The following TBC1D1 variants were observed in gnomAD, a reference collection of about 807,000 sequenced individuals.
The protein encoded by TBC1D1 is TBC1 domain family member 1, also known as TBC1 (tre-2/USP6, BUB2, cdc16) domain family, member 1.
A neutral mutation model predicts 125.6 loss-of-function variants in TBC1D1; 89 were observed. The ratio of observed to expected loss-of-function variants is 0.71; its 90% CI spans 0.60 to 0.85. The LOEUF (loss-of-function observed/expected upper bound fraction) is 0.85. TBC1D1 is among the 40% of genes least tolerant of loss of function. TBC1D1 has a pLI of 0.00. For missense variants in TBC1D1, 1,377 were observed against 1,469.2 expected (o/e 0.94, Z 1.03); for synonymous variants, 565 against 564.1 (o/e 1.00, Z -0.02).
At chr4:38,074,794 C>G (rs992557077) in intron 12 of TBC1D1, among the ~76,000 whole-genome samples, 1 of 149,296 alleles carries the variant, frequency 6.7e-6, no homozygotes, top group Non-Finnish European at 1.5e-5. Flanking sequence ...CAAATTCTTG[C>G]TCTGTCACCC....
At chr4:38,091,717 T>G (rs1044923783) in intron 13 of TBC1D1, among the ~76,000 whole-genome samples, 3 of 152,186 alleles carry the variant, frequency 2.0e-5, no homozygotes, top group African/African-American at 7.2e-5. Context: ...GCAAAACCAG[T>G]GTGCCACAAA....
At chr4:38,103,530 C>T (rs111311877) in intron 15 of TBC1D1, among the ~76,000 whole-genome samples, 2,738 of 152,272 alleles carry the variant, frequency 0.018, 90 homozygotes, top group African/African-American at 0.062. Flanking sequence ...ATTACAGGAG[C>T]CACTCCCTCA....
At chr4:37,949,994 C>A (rs539804975) in intron 2 of TBC1D1, among the ~76,000 whole-genome samples, 1 of 152,084 alleles carries the variant, frequency 6.6e-6, no homozygotes, top group East Asian at 1.9e-4. Context: ...TTTTTACTGG[C>A]CTTTCTTTCT....
At chr4:37,931,601 C>T (rs1457635766) in intron 2 of TBC1D1, among the ~76,000 whole-genome samples, 1 of 151,922 alleles carries the variant, frequency 6.6e-6, no homozygotes, top group Non-Finnish European at 1.5e-5. Flanking sequence ...CCTCAGCCTC[C>T]TGAGTAGCTG....
intron 14 of TBC1D1, among the ~76,000 whole-genome samples, chr4:38,101,876 G>A (rs1479227335): frequency 3.9e-5 from 6 of 151,914 alleles, no homozygotes; most frequent in East Asian, 1.9e-4. Flanking sequence ...AATCACTCTC[G>A]GTTCCCTCTC....
At chr4:37,923,221 C>A (rs1721392071) in intron 2 of TBC1D1, among the ~76,000 whole-genome samples, 1 of 152,054 alleles carries the variant, frequency 6.6e-6, no homozygotes, top group African/African-American at 2.4e-5. Context: ...TTTTCTGTTC[C>A]TGTGTAGTTT....
chr4:37,908,887 A>T (rs1481134196), intron 2 of TBC1D1, among the ~76,000 whole-genome samples: 1 of 152,174 alleles, frequency 6.6e-6, no homozygotes, highest in African/African-American at 2.4e-5. Flanking sequence ...GTAGAAATCG[A>T]CTTTATTAAA....
rs79598084 is a variant in TBC1D1 at position 38,093,133 on chromosome 4, T to C, written c.2237-2796T>C. Among the ~76,000 whole-genome samples, 3 of 152,276 alleles carry C rather than the reference T, an allele frequency of 2.0e-5. No individual in the cohort carries two copies. In the East Asian group the frequency reaches 5.8e-4, roughly 29 times the overall value. ...TGTACTTAGAGAGATAGGCATTCTA[T>C]CTTGAGTTCCTTTTTTTTCTCCCTT... On this transcript the variant is annotated intron_variant, in intron 13 of 19. Transcript: ENST00000261439.
At chr4:38,095,835 G>C in intron 13 of TBC1D1, 94 bp from the exon 16 acceptor site, 2 of 1,317,818 alleles carry the variant, frequency 1.5e-6, no homozygotes, top group Non-Finnish European at 1.0e-6. Context: ...ACTGCTTGAC[G>C]TCTCAGCGGG....
chr4:38,097,575 C>G (rs896200707), intron 14 of TBC1D1, among the ~76,000 whole-genome samples: 6 of 152,140 alleles, frequency 3.9e-5, no homozygotes, highest in African/African-American at 1.4e-4. Flanking sequence ...ATCTCCTGAC[C>G]TCATGATCCA....
chr4:38,084,181 G>A (rs1054035520), intron 12 of TBC1D1, among the ~76,000 whole-genome samples: 5 of 152,082 alleles, frequency 3.3e-5, no homozygotes, highest in Admixed American at 6.5e-5. Context: ...TGATCTGCCC[G>A]CCTCGGCCTC....
Position 38,104,910 on chromosome 4 carries a change from C to T in TBC1D1, c.2557+1753C>T, listed in dbSNP as rs578187051. ...AGCTGGGACTACAGGTGCCCGCCAC[C>T]ATGCCTAGCTAATTTTTTGTATTTT... On this transcript the variant is annotated intron_variant, in intron 15 of 19. Transcript: ENST00000261439. 9.7e-4 allele frequency among the ~76,000 whole-genome samples: 148 copies of T among 152,178 alleles called. 4 individuals are homozygous for T. The East Asian group carries it at 0.026, about 27-fold the overall frequency.
chr4:38,005,861 T>C (rs1348727682), intron 2 of TBC1D1, among the ~76,000 whole-genome samples: 2 of 152,126 alleles, frequency 1.3e-5, no homozygotes, highest in African/African-American at 4.8e-5. Flanking sequence ...GGGACTGACA[T>C]GGAGAAGACA....
intron 2 of TBC1D1, among the ~76,000 whole-genome samples, chr4:37,940,132 A>G (rs1560505263): frequency 1.3e-5 from 2 of 152,250 alleles, no homozygotes; most frequent in African/African-American, 2.4e-5. Flanking sequence ...CATTTTCACA[A>G]TATTGATTCT....
intron 2 of TBC1D1, among the ~76,000 whole-genome samples, chr4:37,925,892 A>G (rs1722007684): frequency 6.6e-6 from 1 of 152,218 alleles, no homozygotes; most frequent in Non-Finnish European, 1.5e-5. Flanking sequence ...CAATTTACTC[A>G]ATAAAACAAA....
At position 38,054,330 on chromosome 4, in the gene TBC1D1, G is replaced by C; in HGVS notation, c.2042G>C (p.Arg681Thr). Residue 681 changes from arginine to threonine, a missense_variant, in exon 12 of 20, where the codon AGA (arginine) becomes ACA (threonine). By Grantham distance (71) the Arg-to-Thr change is moderately conservative. Coordinates refer to ENST00000261439, the MANE Select transcript of TBC1D1 (RefSeq NM_015173.4). ...CAGAAGGCGTGCGATTCTTCCAGCA[G>C]ATATGAAGGTAAGGCCGGTACCTGA... 1 of 1,614,142 alleles carries C rather than the reference G, an allele frequency of 6.2e-7. No homozygotes were observed. Among genetic ancestry groups the C allele is most frequent in the Non-Finnish European group, 8.5e-7 (1 of 1,180,014 alleles).
intron 8 of TBC1D1, among the ~76,000 whole-genome samples, chr4:38,040,764 G>C (rs972114207): frequency 6.6e-6 from 1 of 152,164 alleles, no homozygotes; most frequent in African/African-American, 2.4e-5. Flanking sequence ...CTCGAGCCTG[G>C]ACAGGCACTT....
chr4:38,094,247 G>A (rs1161324610), intron 13 of TBC1D1, among the ~76,000 whole-genome samples: 1 of 152,178 alleles, frequency 6.6e-6, no homozygotes, highest in African/African-American at 2.4e-5. Context: ...GGATGGAGCA[G>A]CCATAGCCCA....
chr4:37,906,211 G>T (rs898895994), intron 2 of TBC1D1, among the ~76,000 whole-genome samples: 1 of 151,966 alleles, frequency 6.6e-6, no homozygotes, highest in Non-Finnish European at 1.5e-5. Flanking sequence ...GCAGTGGCCC[G>T]ATTTCGGCTC....
Sources: allele counts gnomAD v4.1 joint callset (sites outside exome capture counted in the v4.1 genomes callset), GRCh38; gene constraint gnomAD v4.1.1; transcripts MANE v1.5; gene names NCBI Gene and HGNC (gene_info 2026-07-23, HGNC 2026-07-21).